VWA3B: variants seen among roughly 807,000 people sequenced by gnomAD.
VWA3B encodes the protein von Willebrand factor A domain-containing protein 3B.
Under a neutral mutation model 158.3 loss-of-function variants are expected in VWA3B, and 138 were observed. The ratio of observed to expected loss-of-function variants is 0.87; its 90% CI spans 0.76 to 1.00. The LOEUF (loss-of-function observed/expected upper bound fraction) is 1.00. Among genes scored for constraint, VWA3B ranks in the 50% least tolerant of loss-of-function variants. The pLI is 0.00. For missense variants in VWA3B, 1,555 were observed against 1,565.1 expected, an observed-to-expected ratio of 0.99 and a Z score of 0.11; for synonymous variants, 596 against 587.3, an observed-to-expected ratio of 1.01 and a Z score of -0.21.
chr2:98,266,521 C>A (rs879311110), intron 21 of VWA3B, among the ~76,000 whole-genome samples: 1 of 148,574 alleles, frequency 6.7e-6, no homozygotes. Flanking sequence ...ATTGACTTGG[C>A]GATGCGGGCT....
intron 21 of VWA3B, among the ~76,000 whole-genome samples, chr2:98,266,066 A>T (rs1450029278): frequency 1.3e-5 from 2 of 148,712 alleles, no homozygotes; most frequent in African/African-American, 4.9e-5. Context: ...CCATTTGTCA[A>T]TTTTTTCTTT....
intron 21 of VWA3B, among the ~76,000 whole-genome samples, chr2:98,258,351 G>A (rs1020877408): frequency 1.3e-5 from 2 of 151,510 alleles, no homozygotes; most frequent in Admixed American, 6.6e-5. Context: ...GCCCCTTGAA[G>A]TTTTGTATAC....
At chr2:98,149,999 T>A (rs1677494699) in intron 7 of VWA3B, among the ~76,000 whole-genome samples, 1 of 152,140 alleles carries the variant, frequency 6.6e-6, no homozygotes, top group African/African-American at 2.4e-5. Context: ...ATGAGTTTGA[T>A]AAATAAATTG....
chr2:98,215,451 CAAAAAA>C (rs1243633134), intron 13 of VWA3B, among the ~76,000 whole-genome samples: 1 of 146,720 alleles, frequency 6.8e-6, no homozygotes, highest in African/African-American at 2.6e-5. Context: ...AAAAAAAAAA[CAAAAAA>C]CAAAAAACAA....
At chr2:98,190,698 G>A (rs76815280) in intron 10 of VWA3B, among the ~76,000 whole-genome samples, 3,202 of 152,192 alleles carry the variant, frequency 0.021, 48 homozygotes, top group Middle Eastern at 0.078. Flanking sequence ...CTCCTGGTTT[G>A]CATGATTTAT....
At chr2:98,088,585 G>T (rs772707611) in intron 1 of VWA3B, among the ~76,000 whole-genome samples, 7 of 152,012 alleles carry the variant, frequency 4.6e-5, no homozygotes, top group Non-Finnish European at 1.0e-4. Context: ...TCTATGTATG[G>T]TTCTTGGGAT....
At chr2:98,162,515 C>T (rs892422483) in intron 7 of VWA3B, among the ~76,000 whole-genome samples, 4 of 152,160 alleles carry the variant, frequency 2.6e-5, no homozygotes, top group African/African-American at 7.2e-5. Flanking sequence ...CTCCTCGCAG[C>T]GGTGACCCTG....
intron 17 of VWA3B, among the ~76,000 whole-genome samples, chr2:98,235,403 T>G (rs1323692471): frequency 6.6e-6 from 1 of 151,946 alleles, no homozygotes; most frequent in Non-Finnish European, 1.5e-5. Flanking sequence ...TCTTCATTGC[T>G]GATCTGTCTG....
chr2:98,265,650 A>G (rs555595496), intron 21 of VWA3B, among the ~76,000 whole-genome samples: 4 of 147,690 alleles, frequency 2.7e-5, no homozygotes, highest in Admixed American at 6.7e-5. Flanking sequence ...ACTAGTTTAC[A>G]GTCCCACCAA....
chr2:98,170,737 G>T (rs1011519055), intron 8 of VWA3B, among the ~76,000 whole-genome samples: 1 of 152,016 alleles, frequency 6.6e-6, no homozygotes, highest in African/African-American at 2.4e-5. Context: ...CTCCTGAGTA[G>T]CTGGGACTAC....
At chr2:98,323,545 C>T in the VWA3B span, among the ~76,000 whole-genome samples, 2 of 151,836 alleles carry the variant, frequency 1.3e-5, no homozygotes, top group South Asian at 2.1e-4. Context: ...TAACTGAAAA[C>T]TTCCAAAATG....
intron 6 of VWA3B, among the ~76,000 whole-genome samples, chr2:98,129,195 A>T (rs1479321295): frequency 7.6e-6 from 1 of 131,788 alleles, no homozygotes; most frequent in East Asian, 2.0e-4. Context: ...AGAGAGAGTG[A>T]GAGAGAGAGA....
intron 2 of VWA3B, among the ~76,000 whole-genome samples, chr2:98,101,692 T>C (rs1683083130): frequency 6.6e-6 from 1 of 152,110 alleles, no homozygotes; most frequent in Non-Finnish European, 1.5e-5. Flanking sequence ...AGCCTGTGCT[T>C]TTTACATATA....
chr2:98,094,239 T>C (rs1682556931), intron 2 of VWA3B, among the ~76,000 whole-genome samples: 1 of 152,188 alleles, frequency 6.6e-6, no homozygotes, highest in South Asian at 2.1e-4. Flanking sequence ...ATAATAGCTA[T>C]ATTAATTTAC....
Position 98,129,206 on chromosome 2 carries a change from G to GGAGAGAGA in VWA3B, c.872+810_872+817dup, listed in dbSNP as rs150753050. Among the ~76,000 whole-genome samples, 291 of 128,414 alleles carry GGAGAGAGA rather than the reference G, an allele frequency of 2.3e-3. 1 individual carries two copies. Among genetic ancestry groups the GGAGAGAGA allele is most frequent in the African/African-American group, 8.4e-3 (247 of 29,552 alleles). The allele number at this position is 128,414 out of a possible 152,430, so 84.2% of individuals were successfully genotyped here. ...GGAGAGAGAGAGTGAGAGAGAGAGAGGAGAGAGAGAGAGAGAGAGTGTGTG... is the reference window on the plus strand; with the variant it reads ...GGAGAGAGAGAGTGAGAGAGAGAGAGGAGAGAGAGAGAGAGAGAGAGAGAGAGTGTGTG... On this transcript the variant is annotated intron_variant, in intron 6 of 27. Transcript: ENST00000477737.
chr2:98,260,581 G>C (rs888903602), intron 21 of VWA3B, among the ~76,000 whole-genome samples: 1 of 151,584 alleles, frequency 6.6e-6, no homozygotes, highest in South Asian at 2.1e-4. Context: ...TATTTAAGAG[G>C]CTTGAGCGTC....
chr2:98,196,514 G>T (rs1682055413), intron 12 of VWA3B, among the ~76,000 whole-genome samples: 1 of 152,184 alleles, frequency 6.6e-6, no homozygotes. Flanking sequence ...CCTGCTTTGT[G>T]CTGTTGTCAT....
intron 24 of VWA3B, 131 bp downstream of exon 24, chr2:98,298,162 C>A (rs1689932189): frequency 5.7e-6 from 7 of 1,221,234 alleles, no homozygotes; most frequent in Non-Finnish European, 7.4e-6. Flanking sequence ...TGTGTTTGGG[C>A]AGGAAGAACA....
intron 1 of VWA3B, among the ~76,000 whole-genome samples, chr2:98,090,781 G>T (rs1183699956): frequency 6.6e-6 from 1 of 150,676 alleles, no homozygotes; most frequent in Admixed American, 6.6e-5. Context: ...CTAAAGACAA[G>T]TTCTTGCTCT....
Sources: allele counts gnomAD v4.1 joint callset (sites outside exome capture counted in the v4.1 genomes callset), GRCh38; gene constraint gnomAD v4.1.1; transcripts MANE v1.5; gene names NCBI Gene and HGNC (gene_info 2026-07-23, HGNC 2026-07-21).